The following THAP5 variants were observed in gnomAD, a reference collection of about 807,000 sequenced individuals.
The protein encoded by THAP5 is THAP domain-containing protein 5.
THAP5 carries 26 observed loss-of-function variants against 34.0 expected under a neutral mutation model. The ratio of observed to expected loss-of-function variants is 0.77; its 90% confidence interval spans 0.56 to 1.06. THAP5 has a LOEUF of 1.06. Ranked by LOEUF, THAP5 falls within the 50% of genes least tolerant of loss-of-function variation. The pLI is 0.00. For missense variants in THAP5, 394 were observed against 452.8 expected (o/e 0.87, Z 1.18); for synonymous variants, 125 against 153.0 (o/e 0.82, Z 1.35).
At chr7:108,561,395 CT>C (rs544332017), downstream of THAP5, among the ~76,000 whole-genome samples, 210 of 151,098 alleles carry the variant, frequency 1.4e-3, no homozygotes, top group Non-Finnish European at 2.6e-3. Context: ...TCCTGAGTAG[CT>C]GGGAATACAG....
At chr7:108,565,665 AT>A in intron 2 of THAP5, 164 bp downstream of exon 2, 8 of 506,998 alleles carry the variant, frequency 1.6e-5, no homozygotes, top group South Asian at 4.3e-5. Flanking sequence ...CATGAGTTTA[AT>A]TTTTTTTAAT....
downstream of THAP5, among the ~76,000 whole-genome samples, chr7:108,561,268 AT>A (rs34702798): frequency 2.1e-4 from 31 of 147,960 alleles, no homozygotes; most frequent in Middle Eastern, 3.3e-3. Context: ...ACAACATACC[AT>A]TTTTTTTTTT....
chr7:108,544,263 A>G, the THAP5 span, among the ~76,000 whole-genome samples: 1 of 152,112 alleles, frequency 6.6e-6, no homozygotes, highest in Non-Finnish European at 1.5e-5. Context: ...ACGCTGGTTT[A>G]CATCTGTAAT....
chr7:108,552,235 C>A (rs752609025), downstream of THAP5, among the ~76,000 whole-genome samples: 3 of 152,138 alleles, frequency 2.0e-5, no homozygotes, highest in Non-Finnish European at 4.4e-5. Context: ...GGGTGACTAC[C>A]GCTTCTTAAT....
intron 1 of THAP5, chr7:108,568,984 G>A: frequency 7.1e-6 from 3 of 421,732 alleles, no homozygotes; most frequent in Admixed American, 5.6e-5. Context: ...CTAAGCAGAA[G>A]ACTAGTTTAT....
downstream of THAP5, among the ~76,000 whole-genome samples, chr7:108,558,459 G>A (rs183164577): frequency 7.0e-5 from 10 of 143,486 alleles, no homozygotes; most frequent in South Asian, 2.2e-4. Flanking sequence ...GTGCAGTGGC[G>A]CAATCTCGGC....
chr7:108,569,360 C>T, intron 1 of THAP5, 130 bp downstream of exon 1: 3 of 1,502,984 alleles, frequency 2.0e-6, no homozygotes, highest in Non-Finnish European at 2.7e-6. Flanking sequence ...TCCGTCTTGC[C>T]GCGGGCGACG....
Position 108,564,431 on chromosome 7 carries a change from T to C in THAP5, c.948A>G (p.Glu316=). ...AGTAAGAATGTTCGATTTGTAAAAC[T>C]TCTGTCCCATAGTCTACATCCTTAT... ...SLYKDVDYGT[E]VLQIEHSYCR... Residue 316 remains glutamate (E), a synonymous_variant, in exon 3 of 3, where the codon GAA becomes GAG. Coordinates refer to ENST00000415914, the MANE Select transcript of THAP5 (RefSeq NM_001130475.3). The C allele has an allele frequency of 1.2e-6, 2 of 1,613,932 alleles. No homozygotes were observed. Among genetic ancestry groups the C allele is most frequent in the African/African-American group, 1.3e-5 (1 of 75,056 alleles).
downstream of THAP5, among the ~76,000 whole-genome samples, chr7:108,560,045 A>G (rs1864415280): frequency 6.6e-6 from 1 of 152,236 alleles, no homozygotes. Flanking sequence ...GGGGATGTGA[A>G]TAGCTCTAAA....
At chr7:108,558,377 G>GTGTGTGTATA (rs1401164750), downstream of THAP5, among the ~76,000 whole-genome samples, 292 of 62,890 alleles carry the variant, frequency 4.6e-3, 6 homozygotes, top group African/African-American at 8.3e-3. Flanking sequence ...ATGTGTGTGT[G>GTGTGTGTATA]TATGTATATA....
At chr7:108,560,572 G>C (rs1864419625), downstream of THAP5, among the ~76,000 whole-genome samples, 1 of 152,238 alleles carries the variant, frequency 6.6e-6, no homozygotes, top group Non-Finnish European at 1.5e-5. Context: ...AACAGAGGAA[G>C]CTGAAGATTC....
rs1790373107 is a variant in THAP5 at position 108,562,558 on chromosome 7, T to C, written c.*1633A>G. 6.6e-6 allele frequency: 1 copy of C among 152,218 alleles called. No homozygotes were observed. Among genetic ancestry groups the C allele is most frequent in the Admixed American group, 6.5e-5 (1 of 15,284 alleles). The allele number at this position is 152,218 out of a possible 1,614,324, so 9.4% of individuals were successfully genotyped here. A position where few individuals can be genotyped will look rare whatever the true frequency, so the allele number is the denominator to read the frequency against. ...CAACTTTTATTGAGCACCTCCTATA[T>C]TCCAGAACCAAAAACATGTTTGTTC... On this transcript the variant is annotated 3_prime_UTR_variant, in exon 3 of 3. Coordinates refer to ENST00000415914, the MANE Select transcript of THAP5 (RefSeq NM_001130475.3).
At chr7:108,554,027 A>G (rs112315265), downstream of THAP5, among the ~76,000 whole-genome samples, 379 of 152,316 alleles carry the variant, frequency 2.5e-3, 1 homozygote, top group African/African-American at 8.4e-3. Flanking sequence ...TGTTATTTCA[A>G]GAGTAGATTC....
At chr7:108,554,593 G>A (rs1864373708) in exon 2 of THAP5, 1 of 152,108 alleles carries the variant, frequency 6.6e-6, no homozygotes, top group Non-Finnish European at 1.5e-5. Flanking sequence ...TACATTACTA[G>A]TATCCAGAGA....
At chr7:108,544,957 C>T in the THAP5 span, among the ~76,000 whole-genome samples, 1 of 152,214 alleles carries the variant, frequency 6.6e-6, no homozygotes, top group East Asian at 1.9e-4. Flanking sequence ...GGCCTAGATT[C>T]TCTGTAAATT....
chr7:108,567,822 AC>A (rs1790519330), intron 1 of THAP5, among the ~76,000 whole-genome samples: 1 of 152,216 alleles, frequency 6.6e-6, no homozygotes, highest in Admixed American at 6.5e-5. Context: ...TTTTTTAAAA[AC>A]CCTAGAAATA....
downstream of THAP5, among the ~76,000 whole-genome samples, chr7:108,554,044 A>G (rs929081516): frequency 6.6e-6 from 1 of 152,216 alleles, no homozygotes; most frequent in African/African-American, 2.4e-5. Context: ...ATTCATTATA[A>G]AAGGGTGAGT....
downstream of THAP5, among the ~76,000 whole-genome samples, chr7:108,550,095 A>G (rs1420684879): frequency 6.6e-6 from 1 of 152,162 alleles, no homozygotes; most frequent in Non-Finnish European, 1.5e-5. Context: ...CCTAGAATAC[A>G]TTTTCCAACA....
rs1166653788 is a variant in THAP5, at chr7:108,562,838, T to C, written c.*1353A>G. Reference sequence around the variant, plus strand: ...TATTTACATTACCATTACTTCTCTTTTCTAAGAGAAATTCTTTGTCTCCCT... The same window carrying C: ...TATTTACATTACCATTACTTCTCTTCTCTAAGAGAAATTCTTTGTCTCCCT... On this transcript the variant is annotated 3_prime_UTR_variant, in exon 3 of 3. Transcript: ENST00000415914. The C allele has an allele frequency of 1.3e-5, 2 of 152,186 alleles. No individual in the cohort carries two copies. The highest frequency in any genetic ancestry group is 2.9e-5 in the Non-Finnish European group (2 of 68,028). The allele number at this position is 152,186 out of a possible 1,614,324, so 9.4% of individuals were successfully genotyped here. A position where few individuals can be genotyped will look rare whatever the true frequency, so the allele number is the denominator to read the frequency against.
Sources: allele counts gnomAD v4.1 joint callset (sites outside exome capture counted in the v4.1 genomes callset), GRCh38; gene constraint gnomAD v4.1.1; transcripts MANE v1.5; gene names NCBI Gene and HGNC (gene_info 2026-07-23, HGNC 2026-07-21).